The following FSTL5 variants were observed in gnomAD, a reference collection of about 807,000 sequenced individuals.
The protein encoded by FSTL5 is follistatin-related protein 5.
Under a neutral mutation model 89.1 loss-of-function variants are expected in FSTL5, and 62 were observed. The ratio of observed to expected loss-of-function variants is 0.70; its 90% CI spans 0.57 to 0.86. The LOEUF (loss-of-function observed/expected upper bound fraction) is 0.86. Among genes scored for constraint, FSTL5 ranks in the 40% least tolerant of loss-of-function variants. The pLI is 0.00. For missense variants in FSTL5, 1,057 were observed against 1,001.6 expected (o/e 1.06, Z -0.75); for synonymous variants, 383 against 346.2 (o/e 1.11, Z -1.18).
chr4:161,998,766 A>G (rs1254997883), intron 3 of FSTL5, among the ~76,000 whole-genome samples: 5 of 152,006 alleles, frequency 3.3e-5, no homozygotes, highest in Non-Finnish European at 5.9e-5. Flanking sequence ...TAGGTCATTG[A>G]TGTCTCCTGC....
intron 3 of FSTL5, among the ~76,000 whole-genome samples, chr4:161,984,384 T>G (rs1000449779): frequency 2.6e-5 from 4 of 152,118 alleles, no homozygotes; most frequent in Non-Finnish European, 4.4e-5. Context: ...ATATGTTGTA[T>G]TCATGTTAAA....
At chr4:161,457,580 G>T (rs1156787302) in intron 14 of FSTL5, among the ~76,000 whole-genome samples, 4 of 151,968 alleles carry the variant, frequency 2.6e-5, no homozygotes, top group Non-Finnish European at 5.9e-5. Context: ...TGAATCAAAG[G>T]GGAGAGGAAG....
At chr4:161,881,521 G>T (rs1310082594) in intron 4 of FSTL5, among the ~76,000 whole-genome samples, 1 of 151,928 alleles carries the variant, frequency 6.6e-6, no homozygotes, top group Non-Finnish European at 1.5e-5. Context: ...TCGAAATCAT[G>T]GTTTAATGCT....
intron 4 of FSTL5, among the ~76,000 whole-genome samples, chr4:161,897,570 C>T (rs1733204259): frequency 8.9e-6 from 1 of 112,958 alleles, no homozygotes; most frequent in African/African-American, 3.4e-5. Flanking sequence ...AGCGAAACTC[C>T]GTCTCAAAAA....
At chr4:161,839,177 A>G (rs570926087) in intron 4 of FSTL5, among the ~76,000 whole-genome samples, 144 of 152,202 alleles carry the variant, frequency 9.5e-4, no homozygotes, top group African/African-American at 3.3e-3. Flanking sequence ...AATGGACATA[A>G]TAAGGATAAA....
intron 7 of FSTL5, among the ~76,000 whole-genome samples, chr4:161,593,328 T>C (rs1464678667): frequency 6.6e-6 from 1 of 152,136 alleles, no homozygotes; most frequent in African/African-American, 2.4e-5. Context: ...AAGCATATCT[T>C]ATATATTTCT....
intron 6 of FSTL5, among the ~76,000 whole-genome samples, chr4:161,675,699 A>G (rs1737276682): frequency 6.6e-6 from 1 of 151,968 alleles, no homozygotes. Flanking sequence ...TTAATAAATT[A>G]CTAAGAAGTA....
At chr4:161,463,618 G>A (rs1022963915) in intron 13 of FSTL5, among the ~76,000 whole-genome samples, 4 of 152,124 alleles carry the variant, frequency 2.6e-5, no homozygotes, top group African/African-American at 7.2e-5. Context: ...ATACCTGCTC[G>A]TATGCTCTTG....
chr4:161,797,745 A>G (rs1353415149), intron 4 of FSTL5, among the ~76,000 whole-genome samples: 1 of 151,680 alleles, frequency 6.6e-6, no homozygotes, highest in Non-Finnish European at 1.5e-5. Flanking sequence ...TCTCATAAAT[A>G]GCAGTCTATT....
intron 8 of FSTL5, among the ~76,000 whole-genome samples, chr4:161,580,543 T>C (rs1424156842): frequency 1.3e-5 from 2 of 152,046 alleles, no homozygotes; most frequent in Non-Finnish European, 2.9e-5. Flanking sequence ...GATGCATTCA[T>C]GAGATTCATA....
chr4:162,054,301 G>A (rs1047007328), intron 2 of FSTL5, among the ~76,000 whole-genome samples: 18 of 151,646 alleles, frequency 1.2e-4, no homozygotes, highest in African/African-American at 2.9e-4. Context: ...ATTTGTCAAC[G>A]TGTGAATAGA....
chr4:161,655,057 T>C (rs1457072172), intron 7 of FSTL5, among the ~76,000 whole-genome samples: 1 of 152,160 alleles, frequency 6.6e-6, no homozygotes, highest in Non-Finnish European at 1.5e-5. Flanking sequence ...GAAAATATTT[T>C]TTTGCTTTGA....
At chr4:161,403,135 A>G (rs1011803812) in intron 15 of FSTL5, among the ~76,000 whole-genome samples, 1 of 152,100 alleles carries the variant, frequency 6.6e-6, no homozygotes, top group African/African-American at 2.4e-5. Context: ...GGCCCCCAGA[A>G]CTATTAATAA....
At chr4:161,849,528 TACACACACACACACACACAC>T (rs35353090) in intron 4 of FSTL5, among the ~76,000 whole-genome samples, 2 of 147,318 alleles carry the variant, frequency 1.4e-5, no homozygotes, top group African/African-American at 5.0e-5. Flanking sequence ...GCCCTCGACC[TACACACACACACACACACAC>T]ACACACACAC....
intron 4 of FSTL5, among the ~76,000 whole-genome samples, chr4:161,889,193 G>T (rs1383626808): frequency 2.0e-5 from 3 of 152,132 alleles, no homozygotes; most frequent in Non-Finnish European, 4.4e-5. Context: ...CCACAAAATA[G>T]AGAAAGCCTG....
At chr4:161,458,625 G>A (rs1358450729) in intron 14 of FSTL5, among the ~76,000 whole-genome samples, 2 of 152,062 alleles carry the variant, frequency 1.3e-5, no homozygotes, top group African/African-American at 2.4e-5. Flanking sequence ...ACATTTCCAG[G>A]GCCAAAAACT....
chr4:161,929,196 A>G (rs1734210736), intron 3 of FSTL5, among the ~76,000 whole-genome samples: 1 of 148,192 alleles, frequency 6.7e-6, no homozygotes, highest in Middle Eastern at 3.6e-3. Context: ...CCAGTGCTTC[A>G]GCACCATTTG....
chr4:161,922,458 T>C (rs1429363767), intron 3 of FSTL5, among the ~76,000 whole-genome samples: 3 of 151,994 alleles, frequency 2.0e-5, no homozygotes, highest in Non-Finnish European at 2.9e-5. Context: ...GGAAAATTTA[T>C]GTAATGCAGT....
chr4:161,777,417 G>GA, intron 4 of FSTL5, among the ~76,000 whole-genome samples: 1 of 151,750 alleles, frequency 6.6e-6, no homozygotes, highest in Admixed American at 6.6e-5. Context: ...TCCAGCAGTG[G>GA]GATTGCCTGT....
Sources: allele counts gnomAD v4.1 joint callset (sites outside exome capture counted in the v4.1 genomes callset), GRCh38; gene constraint gnomAD v4.1.1; transcripts MANE v1.5; gene names NCBI Gene and HGNC (gene_info 2026-07-23, HGNC 2026-07-21).